Variants in GPRIN3 observed in about 807,000 individuals in gnomAD.
The protein encoded by GPRIN3 is GPRIN family member 3, also known as G protein-regulated inducer of neurite outgrowth 3.
GPRIN3 carries 12 observed loss-of-function variants against 13.7 expected under a neutral mutation model. The observed-to-expected ratio is 0.87, with a 90% CI of 0.56 to 1.42. The LOEUF (loss-of-function observed/expected upper bound fraction) is 1.42. GPRIN3 is among the 40% of genes most tolerant of loss of function. The probability of loss-of-function intolerance (pLI) is 0.00; values close to 1 mark genes in which losing one functional copy is unlikely to be tolerated. For synonymous variants in GPRIN3, 377 were observed against 372.7 expected (o/e 1.01, Z -0.13); for missense variants, 1,009 against 958.7 (o/e 1.05, Z -0.69).
At chr4:89,270,459 A>G (rs982419813) in intron 1 of GPRIN3, among the ~76,000 whole-genome samples, 1 of 148,632 alleles carries the variant, frequency 6.7e-6, no homozygotes, top group Admixed American at 6.7e-5. Flanking sequence ...TATTCTTTCA[A>G]CTGTACTCTT....
intron 1 of GPRIN3, among the ~76,000 whole-genome samples, chr4:89,275,122 T>C (rs1047859735): frequency 3.4e-5 from 4 of 116,760 alleles, no homozygotes; most frequent in African/African-American, 1.4e-4. Flanking sequence ...TTTCCAATAA[T>C]GGACTAAGTA....
At chr4:89,260,692 C>G (rs1458088603) in intron 1 of GPRIN3, among the ~76,000 whole-genome samples, 1 of 152,140 alleles carries the variant, frequency 6.6e-6, no homozygotes, top group Non-Finnish European at 1.5e-5. Context: ...ATTGACATTT[C>G]CTGTATAGCT....
chr4:89,255,803 G>C (rs1723450271), intron 1 of GPRIN3, among the ~76,000 whole-genome samples: 1 of 152,122 alleles, frequency 6.6e-6, no homozygotes. Flanking sequence ...GTTGAGAAGA[G>C]GGCTCAGCAA....
At chr4:89,253,289 C>T (rs374175590) in intron 1 of GPRIN3, among the ~76,000 whole-genome samples, 10 of 152,032 alleles carry the variant, frequency 6.6e-5, no homozygotes, top group African/African-American at 2.2e-4. Context: ...AAATGTCAAA[C>T]GTACAGGAAA....
rs1723069335 is a variant in GPRIN3, at chr4:89,245,498, T to C, written c.*2282A>G. On this transcript the variant is annotated 3_prime_UTR_variant, in exon 2 of 2. Coordinates refer to ENST00000609438, the MANE Select transcript of GPRIN3 (RefSeq NM_198281.3). ...CTGTTTACAAATCATGTGGTTACTC[T>C]AAAGTCATGAAAATAAATATTATTA... 1 of 152,240 alleles carries C rather than the reference T, an allele frequency of 6.6e-6. No homozygotes were observed. Among genetic ancestry groups the C allele is most frequent in the Non-Finnish European group, 1.5e-5 (1 of 68,050 alleles). The allele number at this position is 152,240 out of a possible 1,614,324, so 9.4% of individuals were successfully genotyped here. A position where few individuals can be genotyped will look rare whatever the true frequency, so the allele number is the denominator to read the frequency against.
Position 89,240,610 on chromosome 4 carries a change from A to G in GPRIN3, c.*7170T>C, listed in dbSNP as rs775880977. 2.0e-5 allele frequency: 3 copies of G among 152,204 alleles called. No homozygotes were observed. The highest frequency in any genetic ancestry group is 4.4e-5 in the Non-Finnish European group (3 of 68,040). 9.4% of individuals were successfully genotyped at this position (152,204 alleles called of 1,614,324 possible). Reference sequence around the variant, plus strand: ...TCCAGATATGAAATTAGGTGCTTAAAGAGAAGCATTAATTCCCTGTAGCTA... The same window carrying G: ...TCCAGATATGAAATTAGGTGCTTAAGGAGAAGCATTAATTCCCTGTAGCTA... On this transcript the variant is annotated 3_prime_UTR_variant, in exon 2 of 2. Coordinates refer to ENST00000609438, the MANE Select transcript of GPRIN3 (RefSeq NM_198281.3).
chr4:89,252,366 A>T (rs572914050), intron 1 of GPRIN3, among the ~76,000 whole-genome samples: 1 of 152,310 alleles, frequency 6.6e-6, no homozygotes, highest in South Asian at 2.1e-4. Context: ...TTTAATATTT[A>T]TCATTAATAA....
At position 89,236,514 on chromosome 4, in the gene GPRIN3, C is replaced by A. The variant is rs1722799383; in HGVS notation, c.*11266G>T. On this transcript the variant is annotated 3_prime_UTR_variant, in exon 2 of 2. Coordinates refer to ENST00000609438, the MANE Select transcript of GPRIN3 (RefSeq NM_198281.3). ...TCAGAGGAGTAAGAGAAGAAAAGAA[C>A]AATATTTTGCCTATGCCATTTAATT... 1 of 152,072 alleles carries A rather than the reference C, an allele frequency of 6.6e-6. No individual in the cohort carries two copies. Among genetic ancestry groups the A allele is most frequent in the African/African-American group, 2.4e-5 (1 of 41,414 alleles). The allele number at this position is 152,072 out of a possible 1,614,324, so 9.4% of individuals were successfully genotyped here.
rs1382648168 is a variant in GPRIN3 at position 89,249,691 on chromosome 4, A to AATGCCCATTG, written c.419_420insCAATGGGCAT (p.Asp141AsnfsTer4). On this transcript the variant is annotated frameshift_variant, in exon 2 of 2. Coordinates refer to ENST00000609438, the MANE Select transcript of GPRIN3 (RefSeq NM_198281.3). LOFTEE classifies it low-confidence loss of function (END_TRUNC). ...ATGAGGTGATGGCATTGGGCTGATC[A>AATGCCCATTG]CCTGGGATGGACTGGCAGGTGTGCT... 2 of 1,613,994 alleles carry AATGCCCATTG rather than the reference A, an allele frequency of 1.2e-6. No homozygotes were observed. The highest frequency in any genetic ancestry group is 4.5e-5 in the East Asian group (2 of 44,880).
intron 1 of GPRIN3, among the ~76,000 whole-genome samples, chr4:89,305,131 C>T (rs906761428): frequency 6.6e-6 from 1 of 152,104 alleles, no homozygotes; most frequent in African/African-American, 2.4e-5. Flanking sequence ...ATCCTGCTGC[C>T]CTCTCCATTC....
rs1722889066 is a variant in GPRIN3 at position 89,240,250 on chromosome 4, C to A, written c.*7530G>T. The A allele has an allele frequency of 6.6e-6, 1 of 152,080 alleles. No homozygotes were observed. 9.4% of individuals were successfully genotyped at this position (152,080 alleles called of 1,614,324 possible). Reference sequence around the variant, plus strand: ...GATAATACTAATTTTTTGTTTGAGTCCATCTTAAGGAACTCAAGACACGAG... The same window carrying A: ...GATAATACTAATTTTTTGTTTGAGTACATCTTAAGGAACTCAAGACACGAG... On this transcript the variant is annotated 3_prime_UTR_variant, in exon 2 of 2. Transcript: ENST00000609438.
chr4:89,265,012 T>G (rs1723745356), intron 1 of GPRIN3, among the ~76,000 whole-genome samples: 1 of 152,214 alleles, frequency 6.6e-6, no homozygotes, highest in Non-Finnish European at 1.5e-5. Context: ...AATTAATAAA[T>G]ACTGCCTTTT....
At chr4:89,260,467 T>C (rs1015536397) in intron 1 of GPRIN3, among the ~76,000 whole-genome samples, 2 of 152,250 alleles carry the variant, frequency 1.3e-5, no homozygotes, top group South Asian at 4.1e-4. Flanking sequence ...ACTCTCTTGC[T>C]TTACAGTCTG....
chr4:89,283,798 G>C (rs1328648972), intron 1 of GPRIN3, among the ~76,000 whole-genome samples: 3 of 152,148 alleles, frequency 2.0e-5, no homozygotes, highest in Non-Finnish European at 4.4e-5. Context: ...GCCTACTGGG[G>C]AAGTGGTTGA....
At chr4:89,285,962 C>T (rs918608029) in intron 1 of GPRIN3, among the ~76,000 whole-genome samples, 9 of 152,168 alleles carry the variant, frequency 5.9e-5, no homozygotes, top group African/African-American at 2.2e-4. Context: ...TCTAGCTTGA[C>T]TTCCTCAGTT....
At chr4:89,306,068 T>TC (rs2110034256) in intron 1 of GPRIN3, among the ~76,000 whole-genome samples, 1 of 152,262 alleles carries the variant, frequency 6.6e-6, no homozygotes, top group South Asian at 2.1e-4. Flanking sequence ...GTTTTTTTTT[T>TC]CTCTTTTGAA....
chr4:89,270,871 T>C (rs920167860), intron 1 of GPRIN3, among the ~76,000 whole-genome samples: 24 of 151,928 alleles, frequency 1.6e-4, no homozygotes, highest in African/African-American at 5.8e-4. Context: ...AAATTGGAAC[T>C]TGGTGCAGCC....
chr4:89,264,405 G>T (rs891168868), intron 1 of GPRIN3, among the ~76,000 whole-genome samples: 5 of 152,150 alleles, frequency 3.3e-5, no homozygotes, highest in Admixed American at 3.3e-4. Flanking sequence ...TGTACAACCT[G>T]CAGAACTGTG....
At chr4:89,251,999 G>A (rs910140926) in intron 1 of GPRIN3, among the ~76,000 whole-genome samples, 7 of 151,412 alleles carry the variant, frequency 4.6e-5, no homozygotes, top group African/African-American at 1.7e-4. Flanking sequence ...TTGAGACAGG[G>A]TCTTGCTCTG....
Sources: allele counts gnomAD v4.1 joint callset (sites outside exome capture counted in the v4.1 genomes callset), GRCh38; gene constraint gnomAD v4.1.1; transcripts MANE v1.5; gene names NCBI Gene and HGNC (gene_info 2026-07-23, HGNC 2026-07-21).